The following DYNC2H1 variants were observed in gnomAD, a reference collection of about 807,000 sequenced individuals.
DYNC2H1 encodes the protein dynein cytoplasmic 2 heavy chain 1, also known as cytoplasmic dynein 2 heavy chain 1.
DYNC2H1 carries 410 observed loss-of-function variants against 570.0 expected under a neutral mutation model. The observed-to-expected ratio is 0.72, with a 90% confidence interval of 0.66 to 0.78. The LOEUF is 0.78. DYNC2H1 is among the 30% of genes least tolerant of loss of function. The probability of loss-of-function intolerance (pLI) is 0.00; values close to 1 mark genes in which losing one functional copy is unlikely to be tolerated. For missense variants in DYNC2H1, 4,865 were observed against 5,046.4 expected (o/e 0.96, Z 1.09); for synonymous variants, 1,688 against 1,677.6 (o/e 1.01, Z -0.15).
intron 5 of DYNC2H1, 35 bp from the exon 6 acceptor site, chr11:103,117,596 A>G: frequency 7.0e-7 from 1 of 1,433,494 alleles, no homozygotes; most frequent in South Asian, 1.6e-5. Context: ...AAATACATTT[A>G]TTTCCCTTAA....
At chr11:103,282,088 C>A in intron 71 of DYNC2H1, 91 bp from the exon 72 acceptor site, 4 of 1,108,914 alleles carry the variant, frequency 3.6e-6, no homozygotes, top group South Asian at 1.5e-5. Context: ...TAGAAAAATG[C>A]ATTTTAAGCC....
Position 103,203,544 on chromosome 11 carries a change from G to T in DYNC2H1, c.8198-119G>T. On this transcript the variant is annotated intron_variant, in intron 50 of 88. Transcript: ENST00000375735. This position sits in a 1 kb window ranked among gnomAD's most constrained non-coding sequence, Gnocchi z 4.7. Reference sequence around the variant, plus strand: ...ATAAAGATTTGTGAGTCAAGTAGAGGTAATAAAGTTTGTATATTTTTGGAA... The same window carrying T: ...ATAAAGATTTGTGAGTCAAGTAGAGTTAATAAAGTTTGTATATTTTTGGAA... 1.6e-6 allele frequency: 1 copy of T among 632,090 alleles called. No individual in the cohort carries two copies. Among genetic ancestry groups the T allele is most frequent in the Non-Finnish European group, 2.6e-6 (1 of 379,074 alleles). 39.2% of individuals were successfully genotyped at this position (632,090 alleles called of 1,614,324 possible). A position where few individuals can be genotyped will look rare whatever the true frequency, so the allele number is the denominator to read the frequency against.
rs1370201671 is a variant in DYNC2H1, at chr11:103,472,786, GATA to G, written c.12765+4089_12765+4091del. On this transcript the variant is annotated intron_variant, in intron 88 of 88. Coordinates refer to ENST00000375735, the MANE Select transcript of DYNC2H1 (RefSeq NM_001377.3). This position sits in a 1 kb window ranked among gnomAD's most constrained non-coding sequence, Gnocchi z 4.1. ...TTTAAAAGATTATGTATTATTATAT[GATA>G]ATAATAAAATTCAGAACTTTGGTAA... Among the ~76,000 whole-genome samples, 2 of 152,030 alleles carry G rather than the reference GATA, an allele frequency of 1.3e-5. No individual in the cohort carries two copies. Among genetic ancestry groups the G allele is most frequent in the Non-Finnish European group, 2.9e-5 (2 of 67,990 alleles).
At chr11:103,352,720 C>G (rs946522570) in intron 82 of DYNC2H1, among the ~76,000 whole-genome samples, 9 of 152,088 alleles carry the variant, frequency 5.9e-5, no homozygotes, top group African/African-American at 2.2e-4. Context: ...TTAGTTTGAC[C>G]CTTGTGGAAG....
At chr11:103,135,409 G>A (rs867956209) in intron 15 of DYNC2H1, 86 bp from the exon 16 acceptor site, 2 of 1,219,738 alleles carry the variant, frequency 1.6e-6, no homozygotes, top group Middle Eastern at 4.4e-4. Context: ...GATTATAATT[G>A]TGCATTATGT....
intron 83 of DYNC2H1, among the ~76,000 whole-genome samples, chr11:103,377,767 C>T (rs1039397307): frequency 2.6e-5 from 4 of 152,138 alleles, no homozygotes; most frequent in Admixed American, 1.3e-4. Flanking sequence ...GAGACAGTCT[C>T]GCTCTGTTGC....
Position 103,304,648 on chromosome 11 carries a change from T to G in DYNC2H1, c.11310T>G (p.Cys3770Trp), listed in dbSNP as rs771899759. ...TAGCAATTCAAATGCTAAAAGAATG[T>G]GCCCGCAATGGAGACTGGCTCTGTT... is the stretch of plus-strand genomic sequence containing the variant. Reference protein sequence around the residue: ...ADLAIQMLKECARNGDWLCLK... With the variant: ...ADLAIQMLKEWARNGDWLCLK... Residue 3770 changes from cysteine (C) to tryptophan (W), a missense_variant, in exon 77 of 89, where the codon TGT becomes TGG. Physicochemically the swap from Cys to Trp is radical, Grantham distance 215. This residue lies in a region of DYNC2H1 where 2,401 missense variants were observed against 2,454.6 expected (regional missense o/e 0.98). Transcript: ENST00000375735. 2.5e-6 allele frequency: 4 copies of G among 1,613,504 alleles called. No homozygotes were observed. In the Admixed American group the frequency reaches 6.7e-5, roughly 27 times the overall value.
rs1230081386 is a variant in DYNC2H1, at chr11:103,191,402, G to C, written c.7438-115G>C. 4.4e-6 allele frequency: 3 copies of C among 675,846 alleles called. No homozygotes were observed. In the African/African-American group the frequency reaches 5.5e-5, roughly 12 times the overall value. 41.9% of individuals were successfully genotyped at this position (675,846 alleles called of 1,614,324 possible). A position where few individuals can be genotyped will look rare whatever the true frequency, so the allele number is the denominator to read the frequency against. On this transcript the variant is annotated intron_variant, in intron 45 of 88. Transcript: ENST00000375735. Reference sequence around the variant, plus strand: ...ATGAAGTCATTTATATTGAAATCCAGTTCCATCTACAGGTAGAAATTGGTA... The same window carrying C: ...ATGAAGTCATTTATATTGAAATCCACTTCCATCTACAGGTAGAAATTGGTA...
At chr11:103,286,957 G>T (rs1470241127) in intron 74 of DYNC2H1, among the ~76,000 whole-genome samples, 1 of 152,028 alleles carries the variant, frequency 6.6e-6, no homozygotes, top group Non-Finnish European at 1.5e-5. Flanking sequence ...AAAGGAAAAT[G>T]ACTAAGAAAA....
At chr11:103,293,447 A>G (rs1866693833) in intron 75 of DYNC2H1, among the ~76,000 whole-genome samples, 1 of 152,116 alleles carries the variant, frequency 6.6e-6, no homozygotes, top group East Asian at 1.9e-4. Context: ...GTACCTGGAT[A>G]TTCTTATCTT....
At chr11:103,335,523 G>T (rs1184032991) in intron 82 of DYNC2H1, among the ~76,000 whole-genome samples, 1 of 151,980 alleles carries the variant, frequency 6.6e-6, no homozygotes, top group Non-Finnish European at 1.5e-5. Context: ...ATATGCTTTT[G>T]AGAATTGTTT....
intron 82 of DYNC2H1, among the ~76,000 whole-genome samples, chr11:103,349,973 T>G (rs1939963759): frequency 6.6e-6 from 1 of 152,134 alleles, no homozygotes; most frequent in African/African-American, 2.4e-5. Context: ...ATGTTAACAT[T>G]AGAAAGATAA....
At chr11:103,233,432 T>C (rs534652942) in intron 60 of DYNC2H1, among the ~76,000 whole-genome samples, 1 of 152,052 alleles carries the variant, frequency 6.6e-6, no homozygotes, top group East Asian at 1.9e-4. Context: ...AGGAAAATAA[T>C]TTAAAAAGAA....
chr11:103,302,467 T>C (rs936400188), intron 75 of DYNC2H1, among the ~76,000 whole-genome samples: 6 of 152,090 alleles, frequency 3.9e-5, no homozygotes, highest in African/African-American at 1.4e-4. Flanking sequence ...ATTTTAATGA[T>C]TTGCATAGAG....
chr11:103,440,238 T>G (rs1352175788), intron 85 of DYNC2H1, among the ~76,000 whole-genome samples: 1 of 152,192 alleles, frequency 6.6e-6, no homozygotes, highest in Non-Finnish European at 1.5e-5. Flanking sequence ...AGACCCAATA[T>G]TCTAAGAAAT....
chr11:103,210,247 T>C (rs1863099172), intron 53 of DYNC2H1, among the ~76,000 whole-genome samples: 1 of 152,002 alleles, frequency 6.6e-6, no homozygotes, highest in African/African-American at 2.4e-5. Flanking sequence ...TTAAATTGTT[T>C]AGAGTCTTTG....
At chr11:103,172,780 T>G (rs1861627103) in intron 34 of DYNC2H1, among the ~76,000 whole-genome samples, 1 of 152,116 alleles carries the variant, frequency 6.6e-6, no homozygotes, top group Non-Finnish European at 1.5e-5. Context: ...ATATTTAATG[T>G]ATAAATAGAT....
At position 103,186,682 on chromosome 11, in the gene DYNC2H1, T is replaced by G. The variant is rs625103; in HGVS notation, c.6893+181T>G. 0.91 allele frequency among the ~76,000 whole-genome samples: 137,819 copies of G among 151,076 alleles called. 62,925 individuals carry two copies. Among genetic ancestry groups the G allele is most frequent in the Admixed American group, 0.93 (14,040 of 15,120 alleles). ...TGGGGAATAGTGTGTCCTTTTCTTT[T>G]CCAGGTTGTGTGATTTCTACTGGAA... On this transcript the variant is annotated intron_variant, in intron 42 of 88. Transcript: ENST00000375735. This position sits in a 1 kb window ranked among gnomAD's most constrained non-coding sequence, Gnocchi z 4.5.
At chr11:103,150,617 T>G (rs1860488415) in intron 20 of DYNC2H1, among the ~76,000 whole-genome samples, 1 of 152,178 alleles carries the variant, frequency 6.6e-6, no homozygotes, top group Admixed American at 6.6e-5. Flanking sequence ...AGGTAAGGAC[T>G]ACAAATACAA....
Sources: gnomAD v4.1 joint callset for allele counts (sites outside exome capture counted in the v4.1 genomes callset) on GRCh38, gnomAD v4.1.1 for gene constraint, gnomAD v4.1.1 regional missense constraint, Gnocchi (gnomAD v3.1) non-coding constraint, MANE v1.5 for transcripts, NCBI Gene and HGNC (gene_info 2026-07-23, HGNC 2026-07-21) for gene names.